The following SLC4A8 variants were observed in gnomAD, a reference collection of about 807,000 sequenced individuals.
The protein encoded by SLC4A8 is electroneutral sodium bicarbonate exchanger 1.
SLC4A8 carries 40 observed loss-of-function variants against 125.0 expected under a neutral mutation model. That is an observed-to-expected ratio of 0.32 (90% CI 0.25 to 0.42). The LOEUF is 0.42. SLC4A8 is among the 10% of genes least tolerant of loss of function. SLC4A8 has a pLI of 1.00. For synonymous variants in SLC4A8, 456 were observed against 476.0 expected, an observed-to-expected ratio of 0.96 and a Z score of 0.55; for missense variants, 863 against 1,355.1, an observed-to-expected ratio of 0.64 and a Z score of 5.70.
intron 1 of SLC4A8, among the ~76,000 whole-genome samples, chr12:51,400,850 A>G (rs1386515205): frequency 7.1e-6 from 1 of 140,596 alleles, no homozygotes; most frequent in Admixed American, 7.1e-5. Context: ...ATATGTTTAT[A>G]TACGTATATA....
At chr12:51,444,482 G>C (rs1422671539) in intron 2 of SLC4A8, among the ~76,000 whole-genome samples, 1 of 152,176 alleles carries the variant, frequency 6.6e-6, no homozygotes, top group Non-Finnish European at 1.5e-5. Context: ...TTGTACTAAA[G>C]TAAGATTTAC....
chr12:51,415,275 C>T (rs1948664994), intron 1 of SLC4A8, among the ~76,000 whole-genome samples: 1 of 150,858 alleles, frequency 6.6e-6, no homozygotes, highest in South Asian at 2.1e-4. Flanking sequence ...AGAGAGAATT[C>T]CCTGCTCTTT....
intron 5 of SLC4A8, among the ~76,000 whole-genome samples, chr12:51,456,934 G>A (rs1950168457): frequency 6.6e-6 from 1 of 152,132 alleles, no homozygotes; most frequent in African/African-American, 2.4e-5. Flanking sequence ...TTAAAATCTT[G>A]GAGGAAGGAA....
chr12:51,482,904 AAAAC>A (rs1951065962), intron 16 of SLC4A8, among the ~76,000 whole-genome samples: 1 of 152,184 alleles, frequency 6.6e-6, no homozygotes, highest in Non-Finnish European at 1.5e-5. Flanking sequence ...CCCCAAGTAA[AAAAC>A]AAAAGCAAAT....
At chr12:51,483,159 C>G (rs1951072422) in intron 16 of SLC4A8, among the ~76,000 whole-genome samples, 1 of 152,130 alleles carries the variant, frequency 6.6e-6, no homozygotes, top group Non-Finnish European at 1.5e-5. Flanking sequence ...GAGGCTGAGC[C>G]TGTTGCCGGT....
In SLC4A8 at chr12:51,505,840, A is replaced by AC. The variant is rs1938145128; in HGVS notation, c.3183dup (p.Ser1062LeufsTer2). On this transcript the variant is annotated frameshift_variant, in exon 24 of 25. Transcript: ENST00000453097. LOFTEE classifies it high-confidence loss of function. ...GTCCTAATGATTGATTTCAGATGTG[A>AC]CCCCTCTGAGATTAATATATCTGAT... The AC allele has an allele frequency of 6.8e-7, 1 of 1,464,580 alleles. No homozygotes were observed. The highest frequency in any genetic ancestry group is 9.5e-7 in the Non-Finnish European group (1 of 1,047,730). 90.7% of individuals were successfully genotyped at this position (1,464,580 alleles called of 1,614,324 possible). A position where few individuals can be genotyped will look rare whatever the true frequency, so the allele number is the denominator to read the frequency against.
intron 12 of SLC4A8, 34 bp downstream of exon 12, chr12:51,469,822 A>G (rs768775331): frequency 1.2e-6 from 2 of 1,604,374 alleles, no homozygotes; most frequent in Middle Eastern, 3.3e-4. Flanking sequence ...ATGATCCCAA[A>G]CAAGACCTAA....
At chr12:51,394,803 T>C (rs1397000945) in intron 1 of SLC4A8, among the ~76,000 whole-genome samples, 2 of 152,334 alleles carry the variant, frequency 1.3e-5, no homozygotes, top group African/African-American at 4.8e-5. Context: ...AATTTACCCA[T>C]GTAACAAACC....
At chr12:51,417,078 C>T (rs182378425) in intron 1 of SLC4A8, among the ~76,000 whole-genome samples, 5 of 151,728 alleles carry the variant, frequency 3.3e-5, no homozygotes, top group African/African-American at 9.7e-5. Flanking sequence ...TCAACTTGGA[C>T]GACAGAGTGA....
At chr12:51,458,701 G>T (rs1226539529) in intron 7 of SLC4A8, 51 bp downstream of exon 7, 2 of 1,238,414 alleles carry the variant, frequency 1.6e-6, no homozygotes, top group African/African-American at 3.0e-5. Flanking sequence ...TCCTTTTAGT[G>T]GAATCCAGAG....
At chr12:51,418,844 T>C (rs1337722428) in intron 1 of SLC4A8, among the ~76,000 whole-genome samples, 1 of 152,226 alleles carries the variant, frequency 6.6e-6, no homozygotes, top group Admixed American at 6.5e-5. Flanking sequence ...CTATGTCAGA[T>C]AATGTGCTTC....
At chr12:51,423,751 C>T (rs10747613), upstream of SLC4A8, among the ~76,000 whole-genome samples, 141,023 of 152,250 alleles carry the variant, frequency 0.93, 65,376 homozygotes, top group Non-Finnish European at 0.95. Flanking sequence ...AAAGGCCCCA[C>T]GGCCGGGTGC....
At chr12:51,405,310 G>T (rs1948464039) in intron 1 of SLC4A8, among the ~76,000 whole-genome samples, 1 of 152,206 alleles carries the variant, frequency 6.6e-6, no homozygotes, top group South Asian at 2.1e-4. Flanking sequence ...GCAAGAGGCT[G>T]GTTAGTGTCT....
chr12:51,476,340 G>T (rs1476251695), intron 16 of SLC4A8, among the ~76,000 whole-genome samples: 1 of 152,110 alleles, frequency 6.6e-6, no homozygotes, highest in Non-Finnish European at 1.5e-5. Flanking sequence ...AGTTAGTTGG[G>T]CATGGTAGCA....
intron 16 of SLC4A8, among the ~76,000 whole-genome samples, chr12:51,483,575 A>C (rs1474726571): frequency 3.3e-5 from 5 of 151,868 alleles, no homozygotes; most frequent in Non-Finnish European, 5.9e-5. Context: ...ATATTTTAGA[A>C]GATGTAAAGC....
chr12:51,457,981 A>G (rs1238576993), intron 6 of SLC4A8, among the ~76,000 whole-genome samples: 3 of 152,194 alleles, frequency 2.0e-5, no homozygotes, highest in Non-Finnish European at 4.4e-5. Flanking sequence ...TGGGCACTCT[A>G]CTAAGCCTCT....
At chr12:51,408,315 C>T (rs1393853819) in intron 1 of SLC4A8, among the ~76,000 whole-genome samples, 1 of 152,142 alleles carries the variant, frequency 6.6e-6, no homozygotes, top group Non-Finnish European at 1.5e-5. Flanking sequence ...CTGCAACCTC[C>T]GTCCCCTGGG....
chr12:51,394,702 G>T (rs1455411140), intron 1 of SLC4A8, among the ~76,000 whole-genome samples: 1 of 152,154 alleles, frequency 6.6e-6, no homozygotes, highest in Non-Finnish European at 1.5e-5. Flanking sequence ...TGGAGGGTGG[G>T]AAGAGGGAGA....
chr12:51,411,976 C>T (rs143426973), intron 1 of SLC4A8, among the ~76,000 whole-genome samples: 87 of 152,224 alleles, frequency 5.7e-4, no homozygotes, highest in African/African-American at 1.8e-3. Context: ...GTGGGAGGAT[C>T]GCTTAAGCCC....
Sources: gnomAD v4.1 joint callset for allele counts (sites outside exome capture counted in the v4.1 genomes callset) on GRCh38, gnomAD v4.1.1 for gene constraint, MANE v1.5 for transcripts, NCBI Gene and HGNC (gene_info 2026-07-23, HGNC 2026-07-21) for gene names.